The following NR1I2 variants were observed in gnomAD, a reference collection of about 807,000 sequenced individuals.
The protein encoded by NR1I2 is orphan nuclear receptor PAR1.
Under a neutral mutation model 43.3 loss-of-function variants are expected in NR1I2, and 42 were observed. The observed-to-expected ratio is 0.97, with a 90% confidence interval of 0.76 to 1.26. The LOEUF is 1.26. NR1I2 is among the 50% of genes most tolerant of loss of function. The pLI is 0.00. For synonymous variants in NR1I2, 229 were observed against 215.0 expected (o/e 1.06, Z -0.57); for missense variants, 559 against 566.7 (o/e 0.99, Z 0.14).
intron 1 of NR1I2, among the ~76,000 whole-genome samples, chr3:119,785,082 GT>G (rs1402462881): frequency 1.3e-5 from 2 of 152,054 alleles, no homozygotes; most frequent in Non-Finnish European, 2.9e-5. Context: ...TGTCTTATTG[GT>G]TTTTCTTTGC....
At chr3:119,790,393 C>A (rs1159247658) in intron 1 of NR1I2, among the ~76,000 whole-genome samples, 1 of 152,124 alleles carries the variant, frequency 6.6e-6, no homozygotes, top group Non-Finnish European at 1.5e-5. Context: ...CTCTTCAAGA[C>A]CCCGATTTCA....
Position 119,811,526 on chromosome 3 carries a change from A to C in NR1I2, c.332-13A>C, listed in dbSNP as rs770033074. On this transcript the variant is annotated splice_polypyrimidine_tract_variant and intron_variant, in intron 3 of 8. Coordinates refer to ENST00000393716, the MANE Select transcript of NR1I2 (RefSeq NM_003889.4). ...GGGCACGTGTGCCTGAGCCAGCCTC[A>C]CTGTCCCTGCAGTGATCATGTCCGA... 6.2e-7 allele frequency: 1 copy of C among 1,602,294 alleles called. No homozygotes were observed. The highest frequency in any genetic ancestry group is 1.7e-5 in the Admixed American group (1 of 59,432).
At chr3:119,813,895 G>A (rs1426301302) in intron 5 of NR1I2, among the ~76,000 whole-genome samples, 1 of 152,168 alleles carries the variant, frequency 6.6e-6, no homozygotes, top group Non-Finnish European at 1.5e-5. Flanking sequence ...GGCCACCAAT[G>A]TCGAGCACAG....
chr3:119,800,840 G>A (rs1376914387), intron 1 of NR1I2, among the ~76,000 whole-genome samples: 1 of 152,208 alleles, frequency 6.6e-6, no homozygotes. Flanking sequence ...GGCATGGAGG[G>A]ACCCTGTCTG....
In NR1I2 at chr3:119,812,960, G is replaced by A. The variant is rs2055266218; in HGVS notation, c.794G>A (p.Arg265Lys). 6.2e-7 allele frequency: 1 copy of A among 1,612,728 alleles called. No individual in the cohort carries two copies. The highest frequency in any genetic ancestry group is 1.7e-5 in the Admixed American group (1 of 60,002). The change falls in exon 5 of 9, where the codon AGG becomes AAG. Residue 265 changes from arginine (R) to lysine (K), a missense_variant and splice_region_variant. Coordinates refer to ENST00000393716, the MANE Select transcript of NR1I2 (RefSeq NM_003889.4). ...TTTGCCAAAGTCATCTCCTACTTCA[G>A]GTAGGACATGGAGACTGGGTGGTTG...
rs2054915673 is a variant in NR1I2 at position 119,791,335 on chromosome 3, AT to A, written c.-23+9036del. Among the ~76,000 whole-genome samples, 3 of 152,120 alleles carry A rather than the reference AT, an allele frequency of 2.0e-5. 1 individual carries two copies. The highest frequency in any genetic ancestry group is 6.5e-5 in the Admixed American group (1 of 15,282). On this transcript the variant is annotated intron_variant, in intron 1 of 8. Transcript: ENST00000393716. Reference sequence around the variant, plus strand: ...GCCTCCAGAGTGGCCTCCTCCTGCAATGTCAGGCTAGATTAACATCTATGAG... The same window carrying A: ...GCCTCCAGAGTGGCCTCCTCCTGCAAGTCAGGCTAGATTAACATCTATGAG...
At chr3:119,793,746 A>G (rs1207366517) in intron 1 of NR1I2, among the ~76,000 whole-genome samples, 1 of 152,218 alleles carries the variant, frequency 6.6e-6, no homozygotes, top group African/African-American at 2.4e-5. Flanking sequence ...CCCTTTTGCC[A>G]TATAAGGAAA....
chr3:119,813,293 C>T (rs965823567), intron 5 of NR1I2, among the ~76,000 whole-genome samples: 2 of 152,190 alleles, frequency 1.3e-5, no homozygotes, highest in Non-Finnish European at 2.9e-5. Flanking sequence ...GTCTTTTGTA[C>T]TCTCCCTTAA....
intron 1 of NR1I2, among the ~76,000 whole-genome samples, chr3:119,787,157 A>G (rs150793884): frequency 1.4e-3 from 206 of 152,074 alleles, no homozygotes; most frequent in African/African-American, 4.7e-3. Context: ...GTGTGGTGGC[A>G]CACACCTGTA....
At chr3:119,810,713 G>A (rs2055228737) in intron 3 of NR1I2, among the ~76,000 whole-genome samples, 1 of 152,198 alleles carries the variant, frequency 6.6e-6, no homozygotes. Context: ...GTGCTCCTAG[G>A]TCACTATGAG....
intron 1 of NR1I2, among the ~76,000 whole-genome samples, chr3:119,801,085 C>T (rs2055073100): frequency 6.6e-6 from 1 of 152,184 alleles, no homozygotes; most frequent in African/African-American, 2.4e-5. Flanking sequence ...GTGCTCAGTG[C>T]AGCCTGACAG....
At chr3:119,788,917 G>C (rs1446231141) in intron 1 of NR1I2, among the ~76,000 whole-genome samples, 7 of 152,190 alleles carry the variant, frequency 4.6e-5, no homozygotes, top group Non-Finnish European at 8.8e-5. Context: ...TGCTACTACT[G>C]CAAGTGTGGA....
intron 6 of NR1I2, 100 bp downstream of exon 6, chr3:119,815,221 G>A (rs1001001768): frequency 1.2e-5 from 19 of 1,587,104 alleles, no homozygotes; most frequent in Non-Finnish European, 1.6e-5. Context: ...GGGATGGCAG[G>A]GCAGGAAGAT....
At position 119,794,492 on chromosome 3, in the gene NR1I2, CT is replaced by C. The variant is rs35100139; in HGVS notation, c.-23+12209del. Among the ~76,000 whole-genome samples, 1,073 of 136,142 alleles carry C rather than the reference CT, an allele frequency of 7.9e-3. 4 individuals carry two copies. Among genetic ancestry groups the C allele is most frequent in the African/African-American group, 8.8e-3 (326 of 37,052 alleles). 89.3% of individuals were successfully genotyped at this position (136,142 alleles called of 152,430 possible). A position where few individuals can be genotyped will look rare whatever the true frequency, so the allele number is the denominator to read the frequency against. ...TATAGGTGTGAGCCACTCACCCAGCCTTTTTTTTTTTTTTTTTAAGAGATAG... is the reference window on the plus strand; with the variant it reads ...TATAGGTGTGAGCCACTCACCCAGCCTTTTTTTTTTTTTTTTAAGAGATAG... On this transcript the variant is annotated intron_variant, in intron 1 of 8. Coordinates refer to ENST00000393716, the MANE Select transcript of NR1I2 (RefSeq NM_003889.4).
Position 119,810,162 on chromosome 3 carries a change from G to T in NR1I2, c.299G>T (p.Arg100Leu). ...CGACAGTGCCAGGCCTGCCGCCTGCGCAAGTGCCTGGAGAGCGGCATGAAG... is the reference window on the plus strand; with the variant it reads ...CGACAGTGCCAGGCCTGCCGCCTGCTCAAGTGCCTGGAGAGCGGCATGAAG... Residue 100 changes from arginine to leucine, a missense_variant, in exon 3 of 9, where the codon CGC becomes CTC. By Grantham distance (102) the Arg-to-Leu change is moderately radical. Transcript: ENST00000393716. 1 of 1,612,092 alleles carries T rather than the reference G, an allele frequency of 6.2e-7. No individual in the cohort carries two copies. The highest frequency in any genetic ancestry group is 8.5e-7 in the Non-Finnish European group (1 of 1,179,368).
rs763195924 is a variant in NR1I2, at chr3:119,810,196, T to C, written c.331+2T>C. 5.0e-6 allele frequency: 8 copies of C among 1,600,750 alleles called. No individual in the cohort carries two copies. The highest frequency in any genetic ancestry group is 1.7e-5 in the Admixed American group (1 of 58,168). On this transcript the variant is annotated splice_donor_variant, in intron 3 of 8. Coordinates refer to ENST00000393716, the MANE Select transcript of NR1I2 (RefSeq NM_003889.4). LOFTEE classifies it high-confidence loss of function. ...TGGAGAGCGGCATGAAGAAGGAGAG[T>C]GAGCAGTGGGCGCGCGGGCGGGCCG...
chr3:119,799,499 A>G (rs1222834663), intron 1 of NR1I2, among the ~76,000 whole-genome samples: 1 of 152,210 alleles, frequency 6.6e-6, no homozygotes, highest in Non-Finnish European at 1.5e-5. Flanking sequence ...CTTTCTTAAT[A>G]GTGTAGAAAG....
At chr3:119,802,933 G>A (rs2055100172) in intron 1 of NR1I2, 2 of 456,572 alleles carry the variant, frequency 4.4e-6, no homozygotes, top group South Asian at 1.5e-5. Flanking sequence ...AAATTCGTAT[G>A]TTAAAATCCT....
At position 119,817,508 on chromosome 3, in the gene NR1I2, C is replaced by T. The variant is rs928447722; in HGVS notation, c.*296C>T. ...AGGTTGCCCTTTCCTTTTAAAAGGC[C>T]CTGTGGTCTGGGGAGAAATCCCTCA... On this transcript the variant is annotated 3_prime_UTR_variant, in exon 9 of 9. Coordinates refer to ENST00000393716, the MANE Select transcript of NR1I2 (RefSeq NM_003889.4). The T allele has an allele frequency of 7.1e-6, 9 of 1,269,998 alleles. No homozygotes were observed. Among genetic ancestry groups the T allele is most frequent in the Middle Eastern group, 3.2e-4 (1 of 3,124 alleles). The allele number at this position is 1,269,998 out of a possible 1,614,324, so 78.7% of individuals were successfully genotyped here.
Sources: gnomAD v4.1 joint callset for allele counts (sites outside exome capture counted in the v4.1 genomes callset) on GRCh38, gnomAD v4.1.1 for gene constraint, MANE v1.5 for transcripts, NCBI Gene and HGNC (gene_info 2026-07-23, HGNC 2026-07-21) for gene names.